Variants in DYNC1I1 observed in about 807,000 individuals in gnomAD.
DYNC1I1 encodes cytoplasmic dynein 1 intermediate chain 1.
In DYNC1I1, 43 loss-of-function variants were observed where a neutral mutation model predicts 86.6. The observed-to-expected ratio is 0.50, with a 90% CI of 0.39 to 0.64. The LOEUF (loss-of-function observed/expected upper bound fraction) is 0.64. DYNC1I1 is among the 30% of genes least tolerant of loss of function. The pLI is 0.00. For missense variants in DYNC1I1, 604 were observed against 788.8 expected (o/e 0.77, Z 2.81); for synonymous variants, 262 against 283.7 (o/e 0.92, Z 0.77).
rs763019214 is a variant in DYNC1I1, at chr7:95,867,590, C to T, written c.375-2293C>T. Among the ~76,000 whole-genome samples the T allele has an allele frequency of 2.0e-4, 30 of 152,330 alleles. 2 individuals carry two copies. The Middle Eastern group carries it at 0.017, about 86-fold the overall frequency. On this transcript the variant is annotated intron_variant, in intron 5 of 16. Coordinates refer to ENST00000447467, the MANE Select transcript of DYNC1I1 (RefSeq NM_001135556.2). ...GCCTCCTGTTGCCCAGCACCTGTTG[C>T]TGGTCCCAAACGAGATAGGGCTGCA...
chr7:96,034,053 A>G (rs1252568888), intron 12 of DYNC1I1, among the ~76,000 whole-genome samples: 1 of 152,066 alleles, frequency 6.6e-6, no homozygotes, highest in African/African-American at 2.4e-5. Context: ...ACACACATGC[A>G]CACACACAAA....
intron 6 of DYNC1I1, among the ~76,000 whole-genome samples, chr7:95,887,858 G>A (rs1790636130): frequency 6.6e-6 from 1 of 152,124 alleles, no homozygotes; most frequent in Non-Finnish European, 1.5e-5. Context: ...TTTCAGGAGA[G>A]TTTCCGTAGC....
rs1415922249 is a variant in DYNC1I1, at chr7:96,085,708, T to G, written c.1776+5220T>G. 2.0e-5 allele frequency among the ~76,000 whole-genome samples: 3 copies of G among 152,172 alleles called. No individual in the cohort carries two copies. The East Asian group carries it at 5.8e-4, about 29-fold the overall frequency. ...TTTACTCTATTTGTGCCTTCAAAAG[T>G]TACTTACATAGACAGTGGTTGCATG... On this transcript the variant is annotated intron_variant, in intron 16 of 16. Coordinates refer to ENST00000447467, the MANE Select transcript of DYNC1I1 (RefSeq NM_001135556.2).
At chr7:95,887,708 T>C (rs890095591) in intron 6 of DYNC1I1, among the ~76,000 whole-genome samples, 1 of 152,186 alleles carries the variant, frequency 6.6e-6, no homozygotes, top group Non-Finnish European at 1.5e-5. Context: ...AAAGAGTTAA[T>C]ATCCTCCATT....
intron 5 of DYNC1I1, among the ~76,000 whole-genome samples, chr7:95,857,530 G>A (rs990118933): frequency 6.6e-6 from 1 of 152,192 alleles, no homozygotes; most frequent in Non-Finnish European, 1.5e-5. Flanking sequence ...CACTGGCAAT[G>A]TGTGCTTATT....
chr7:95,956,384 T>C lies in DYNC1I1; in HGVS notation c.491-21128T>C, dbSNP rs1027577559. Among the ~76,000 whole-genome samples the C allele has an allele frequency of 2.6e-3, 316 of 119,768 alleles. 3 individuals are homozygous for C. The highest frequency in any genetic ancestry group is 0.017 in the African/African-American group (302 of 17,946). The allele number at this position is 119,768 out of a possible 152,430, so 78.6% of individuals were successfully genotyped here. On this transcript the variant is annotated intron_variant, in intron 6 of 16. Coordinates refer to ENST00000447467, the MANE Select transcript of DYNC1I1 (RefSeq NM_001135556.2). ...ATAAGACCCTTCTTTTTTTCTCTTT[T>C]TTTTTTTTTTTTATTATACTTTAAG...
intron 6 of DYNC1I1, among the ~76,000 whole-genome samples, chr7:95,910,140 G>A (rs913680199): frequency 6.6e-6 from 1 of 152,124 alleles, no homozygotes; most frequent in Non-Finnish European, 1.5e-5. Flanking sequence ...ATCTGAATTG[G>A]AGGACTCAGA....
At chr7:95,871,193 T>C (rs1790154672) in intron 6 of DYNC1I1, among the ~76,000 whole-genome samples, 1 of 152,186 alleles carries the variant, frequency 6.6e-6, no homozygotes, top group African/African-American at 2.4e-5. Context: ...ATACAAGCTG[T>C]TGTGGGGACA....
intron 1 of DYNC1I1, among the ~76,000 whole-genome samples, chr7:95,778,651 TTTTA>T (rs149402071): frequency 0.038 from 5,711 of 151,768 alleles, 278 homozygotes; most frequent in East Asian, 0.14. Flanking sequence ...TTCTTTTTAG[TTTTA>T]TTTATTTATT....
intron 1 of DYNC1I1, among the ~76,000 whole-genome samples, chr7:95,777,994 G>T (rs141526507): frequency 1.6e-4 from 24 of 152,252 alleles, no homozygotes; most frequent in African/African-American, 5.8e-4. Context: ...AACTTTGACA[G>T]TTAAAAATAA....
At chr7:96,007,921 T>C (rs1156595317) in intron 10 of DYNC1I1, among the ~76,000 whole-genome samples, 1 of 152,164 alleles carries the variant, frequency 6.6e-6, no homozygotes, top group Non-Finnish European at 1.5e-5. Context: ...GGGGCCACAG[T>C]CCATTTCTCT....
At position 96,103,430 on chromosome 7, in the gene DYNC1I1, C is replaced by A. The variant is rs563274105; in HGVS notation, c.1543-6549C>A. ...AGCCATCATCATCTCTGTCATGATT[C>A]TGGCAGCAGCCTCCTAACTGGTCTC... On this transcript the variant is annotated intron_variant, in intron 16 of 16. Transcript: ENST00000537881. Among the ~76,000 whole-genome samples the A allele has an allele frequency of 4.6e-5, 7 of 152,292 alleles. No individual in the cohort carries two copies. In the South Asian group the frequency reaches 1.4e-3, roughly 32 times the overall value.
chr7:96,024,149 T>TA (rs1357414303), intron 10 of DYNC1I1, among the ~76,000 whole-genome samples: 2 of 152,178 alleles, frequency 1.3e-5, no homozygotes, highest in Non-Finnish European at 2.9e-5. Flanking sequence ...CTTGTGAAAA[T>TA]AGAGTTCAAC....
At chr7:96,034,322 C>T (rs772554833) in intron 12 of DYNC1I1, among the ~76,000 whole-genome samples, 4 of 152,120 alleles carry the variant, frequency 2.6e-5, no homozygotes, top group Non-Finnish European at 5.9e-5. Context: ...TATAAACAGA[C>T]ATAAGAGCAA....
intron 14 of DYNC1I1, among the ~76,000 whole-genome samples, chr7:96,067,840 A>T (rs138380221): frequency 6.6e-6 from 1 of 151,842 alleles, no homozygotes; most frequent in East Asian, 1.9e-4. Flanking sequence ...GCCTTCCCCA[A>T]CCTCCTCCTC....
At chr7:96,103,438 A>G (rs1457538532) in intron 16 of DYNC1I1, among the ~76,000 whole-genome samples, 1 of 152,214 alleles carries the variant, frequency 6.6e-6, no homozygotes, top group Non-Finnish European at 1.5e-5. Context: ...TTCTGGCAGC[A>G]GCCTCCTAAC....
chr7:96,023,366 C>T (rs184329203), intron 10 of DYNC1I1, among the ~76,000 whole-genome samples: 4 of 152,238 alleles, frequency 2.6e-5, no homozygotes, highest in Admixed American at 2.6e-4. Context: ...GTGCCACGCA[C>T]GGAAGGTCAC....
intron 6 of DYNC1I1, among the ~76,000 whole-genome samples, chr7:95,906,622 T>A (rs1445142833): frequency 1.3e-5 from 2 of 152,166 alleles, no homozygotes; most frequent in Admixed American, 1.3e-4. Flanking sequence ...AGATTGAGAC[T>A]TAGTTGCTTT....
intron 16 of DYNC1I1, among the ~76,000 whole-genome samples, chr7:96,082,474 C>A (rs1790553803): frequency 6.6e-6 from 1 of 152,084 alleles, no homozygotes; most frequent in South Asian, 2.1e-4. Context: ...CACATAACGT[C>A]CCTTAACTCA....
Sources: gnomAD v4.1 joint callset for allele counts (sites outside exome capture counted in the v4.1 genomes callset) on GRCh38, gnomAD v4.1.1 for gene constraint, MANE v1.5 for transcripts, NCBI Gene and HGNC (gene_info 2026-07-23, HGNC 2026-07-21) for gene names.